Variants in NBEAL1 observed in about 807,000 individuals in gnomAD.
The protein encoded by NBEAL1 is neurobeachin-like protein 1.
NBEAL1 carries 273 observed loss-of-function variants against 351.3 expected under a neutral mutation model. The observed-to-expected ratio is 0.78, with a 90% CI of 0.70 to 0.86. The LOEUF is 0.86. Ranked by LOEUF, NBEAL1 falls within the 40% of genes least tolerant of loss-of-function variation. The pLI is 0.00. For missense variants in NBEAL1, 2,961 were observed against 3,201.3 expected (o/e 0.92, Z 1.81); for synonymous variants, 1,050 against 1,086.4 (o/e 0.97, Z 0.66).
At chr2:203,118,456 A>G (rs981937093) in intron 18 of NBEAL1, among the ~76,000 whole-genome samples, 1 of 152,186 alleles carries the variant, frequency 6.6e-6, no homozygotes, top group Admixed American at 6.5e-5. Context: ...TGTTTAATAC[A>G]TCTTATGTTA....
rs1233926926 is a variant in NBEAL1 at position 203,175,199 on chromosome 2, A to G, written c.6376A>G (p.Thr2126Ala). Residue 2126 changes from threonine to alanine, a missense_variant, in exon 42 of 56, where the codon ACT becomes GCT. Thr to Ala is a moderately conservative substitution (Grantham distance 58). Coordinates refer to ENST00000683969, the MANE Select transcript of NBEAL1 (RefSeq NM_001378026.1). ...AACTATTGATAAGTTTCACTATGGT[A>G]CTCACTATTCAAATTCTGCGGGGGT... ...MGTIDKFHYG[T>A]HYSNSAGVMH... 6.2e-7 allele frequency: 1 copy of G among 1,613,380 alleles called. No homozygotes were observed. The highest frequency in any genetic ancestry group is 8.5e-7 in the Non-Finnish European group (1 of 1,179,424).
intron 43 of NBEAL1, 161 bp from the exon 44 acceptor site, chr2:203,183,118 C>A (rs552597372): frequency 2.4e-6 from 1 of 413,684 alleles, no homozygotes; most frequent in Non-Finnish European, 4.3e-6. Flanking sequence ...ATTTAAAACT[C>A]GTTATTTTTG....
chr2:203,021,726 A>G (rs188916795), intron 2 of NBEAL1, among the ~76,000 whole-genome samples: 2 of 152,116 alleles, frequency 1.3e-5, no homozygotes, highest in Non-Finnish European at 2.9e-5. Flanking sequence ...TATTATATAC[A>G]AAGTTTTGAG....
chr2:203,213,833 T>C (rs931680479), intron 55 of NBEAL1, 180 bp downstream of exon 55: 3 of 975,282 alleles, frequency 3.1e-6, no homozygotes, highest in Non-Finnish European at 3.7e-6. Context: ...CATGTTTATG[T>C]TATTATTGAA....
At chr2:203,054,916 T>C (rs972760168) in intron 4 of NBEAL1, among the ~76,000 whole-genome samples, 1 of 152,184 alleles carries the variant, frequency 6.6e-6, no homozygotes, top group Admixed American at 6.5e-5. Context: ...GAGACAGTCA[T>C]TTTCAGGCTC....
At chr2:203,050,990 G>A (rs757274917) in intron 4 of NBEAL1, among the ~76,000 whole-genome samples, 88 of 152,022 alleles carry the variant, frequency 5.8e-4, no homozygotes, top group Non-Finnish European at 1.0e-3. Flanking sequence ...TTTCTTTTTG[G>A]AAGCCACTTT....
Position 203,221,843 on chromosome 2 carries a change from T to C in NBEAL1, c.*4489T>C, listed in dbSNP as rs2065957338. On this transcript the variant is annotated 3_prime_UTR_variant, in exon 56 of 56. Coordinates refer to ENST00000683969, the MANE Select transcript of NBEAL1 (RefSeq NM_001378026.1). ...GACCTTAGGCAACAATATAGTGTTA[T>C]CAGTCATCATTTTAATATGATTTAA... Among the ~76,000 whole-genome samples, 1 of 152,226 alleles carries C rather than the reference T, an allele frequency of 6.6e-6. No homozygotes were observed. The highest frequency in any genetic ancestry group is 1.5e-5 in the Non-Finnish European group (1 of 68,042).
chr2:203,196,017 C>A (rs1450165819), intron 47 of NBEAL1, among the ~76,000 whole-genome samples: 1 of 152,222 alleles, frequency 6.6e-6, no homozygotes, highest in African/African-American at 2.4e-5. Flanking sequence ...AAAGGCCAGT[C>A]TTGCAAGTAG....
At chr2:203,053,962 T>G (rs1287503068) in intron 4 of NBEAL1, among the ~76,000 whole-genome samples, 2 of 152,102 alleles carry the variant, frequency 1.3e-5, no homozygotes, top group African/African-American at 2.4e-5. Flanking sequence ...TTAAAAAAAT[T>G]GAGACAGAGT....
chr2:203,172,671 T>G, intron 40 of NBEAL1, 58 bp from the exon 41 acceptor site: 3 of 1,494,082 alleles, frequency 2.0e-6, no homozygotes, highest in Non-Finnish European at 1.8e-6. Flanking sequence ...ATATTAGATA[T>G]GAGGATATTA....
chr2:203,192,850 G>C (rs1224575979), intron 46 of NBEAL1, among the ~76,000 whole-genome samples: 1 of 151,012 alleles, frequency 6.6e-6, no homozygotes, highest in Non-Finnish European at 1.5e-5. Flanking sequence ...ATTTATAGAT[G>C]ATACTGTTCT....
chr2:203,145,662 G>C (rs1189646525), intron 33 of NBEAL1, among the ~76,000 whole-genome samples: 1 of 151,948 alleles, frequency 6.6e-6, no homozygotes, highest in East Asian at 1.9e-4. Flanking sequence ...GCTGGGCATG[G>C]TAGCATGTGC....
chr2:203,066,944 C>T (rs1374855025), intron 6 of NBEAL1, among the ~76,000 whole-genome samples: 2 of 143,734 alleles, frequency 1.4e-5, no homozygotes, highest in Non-Finnish European at 3.0e-5. Flanking sequence ...GGCAGCCGGG[C>T]AGAGGCGCTC....
chr2:203,057,610 T>A (rs1014631179), intron 6 of NBEAL1, among the ~76,000 whole-genome samples, 157 bp downstream of exon 6: 2 of 152,212 alleles, frequency 1.3e-5, no homozygotes, highest in Admixed American at 1.3e-4. Context: ...GGGAATGAAT[T>A]AGTGATAAAT....
intron 36 of NBEAL1, among the ~76,000 whole-genome samples, chr2:203,162,961 C>G (rs1005103093): frequency 6.6e-6 from 1 of 152,060 alleles, no homozygotes; most frequent in African/African-American, 2.4e-5. Context: ...TTGAGTCTGG[C>G]CAACATAATG....
At chr2:203,050,167 T>A (rs1473635621) in intron 4 of NBEAL1, 192 bp downstream of exon 4, 13 of 406,518 alleles carry the variant, frequency 3.2e-5, no homozygotes, top group Admixed American at 1.6e-4. Flanking sequence ...CTATGGCATG[T>A]GTATACCTAT....
intron 6 of NBEAL1, among the ~76,000 whole-genome samples, chr2:203,057,849 C>T (rs4254486): frequency 0.89 from 126,997 of 143,344 alleles, 56,269 homozygotes; most frequent in Non-Finnish European, 0.96. Flanking sequence ...GTTTTTTTGT[C>T]TTTTTGAGAC....
Position 203,180,381 on chromosome 2 carries a change from G to A in NBEAL1, c.6465-1G>A, listed in dbSNP as rs906313308. 6.2e-7 allele frequency: 1 copy of A among 1,604,568 alleles called. No individual in the cohort carries two copies. The highest frequency in any genetic ancestry group is 8.5e-7 in the Non-Finnish European group (1 of 1,177,378). ...ACTTCTCTTTTAATTTCTACATGCA[G>A]GTTTGACTGTGCAGATCGACAGTTC... On this transcript the variant is annotated splice_acceptor_variant, in intron 42 of 55. Coordinates refer to ENST00000683969, the MANE Select transcript of NBEAL1 (RefSeq NM_001378026.1). LOFTEE classifies it high-confidence loss of function.
chr2:203,049,308 C>T (rs1177553122), intron 3 of NBEAL1, among the ~76,000 whole-genome samples: 2 of 152,178 alleles, frequency 1.3e-5, no homozygotes, highest in Non-Finnish European at 1.5e-5. Context: ...CCACCCACCT[C>T]GGCCTCCAAA....
Sources: gnomAD v4.1 joint callset for allele counts (sites outside exome capture counted in the v4.1 genomes callset) on GRCh38, gnomAD v4.1.1 for gene constraint, MANE v1.5 for transcripts, NCBI Gene and HGNC (gene_info 2026-07-23, HGNC 2026-07-21) for gene names.